The following ICA1 variants were observed in gnomAD, a reference collection of about 807,000 sequenced individuals.
ICA1 encodes the protein islet cell autoantigen 1, also known as 69 kDa islet cell autoantigen.
In ICA1, 40 loss-of-function variants were observed where a neutral mutation model predicts 71.0. The ratio of observed to expected loss-of-function variants is 0.56; its 90% CI spans 0.44 to 0.73. ICA1 has a LOEUF of 0.73. ICA1 is among the 30% of genes least tolerant of loss of function. The pLI is 0.00. For missense variants in ICA1, 578 were observed against 576.5 expected (o/e 1.00, Z -0.03); for synonymous variants, 207 against 209.5 (o/e 0.99, Z 0.10).
At chr7:8,261,143 T>C (rs1176924128) in intron 1 of ICA1, among the ~76,000 whole-genome samples, 1 of 152,188 alleles carries the variant, frequency 6.6e-6, no homozygotes, top group Non-Finnish European at 1.5e-5. Flanking sequence ...AAACCCTTTC[T>C]TGCGCTAATT....
intron 1 of ICA1, among the ~76,000 whole-genome samples, chr7:8,251,045 C>T (rs1370195327): frequency 3.9e-5 from 6 of 152,038 alleles, no homozygotes; most frequent in Non-Finnish European, 7.4e-5. Flanking sequence ...GGACTACAGG[C>T]ACTTGCCAAT....
chr7:8,148,035 C>G (rs972874464), intron 8 of ICA1, among the ~76,000 whole-genome samples: 34 of 152,244 alleles, frequency 2.2e-4, no homozygotes, highest in African/African-American at 7.5e-4. Context: ...TCGGTGCGAC[C>G]TGCTACGGGG....
intron 8 of ICA1, among the ~76,000 whole-genome samples, chr7:8,145,615 C>T (rs1298884083): frequency 1.3e-5 from 2 of 151,736 alleles, no homozygotes; most frequent in Non-Finnish European, 2.9e-5. Context: ...AAATCAGAAA[C>T]ATAATAGAAC....
intron 6 of ICA1, among the ~76,000 whole-genome samples, chr7:8,187,261 TTC>T (rs1784196294): frequency 6.6e-6 from 1 of 152,238 alleles, no homozygotes; most frequent in Non-Finnish European, 1.5e-5. Flanking sequence ...GATGGCCTAT[TTC>T]TCTTAGGCTG....
At position 8,242,258 on chromosome 7, in the gene ICA1, A is replaced by C. The variant is rs139490491; in HGVS notation, c.-79-6253T>G. ...ATCAAATTAGAATTCAGGATTAAGA[A>C]ACTCACTCAAAATGACACAACTACA... On this transcript the variant is annotated intron_variant, in intron 1 of 13. Transcript: ENST00000402384. Among the ~76,000 whole-genome samples, 654 of 152,362 alleles carry C rather than the reference A, an allele frequency of 4.3e-3. 5 individuals carry two copies. The highest frequency in any genetic ancestry group is 0.014 in the African/African-American group (573 of 41,592).
chr7:8,118,201 C>T (rs949409588), intron 13 of ICA1, among the ~76,000 whole-genome samples: 31 of 152,170 alleles, frequency 2.0e-4, no homozygotes, highest in Non-Finnish European at 4.3e-4. Flanking sequence ...ACAAACCTCA[C>T]GAACTTATTT....
chr7:8,168,107 T>C (rs925060529), intron 6 of ICA1, among the ~76,000 whole-genome samples: 12 of 152,078 alleles, frequency 7.9e-5, no homozygotes, highest in African/African-American at 2.7e-4. Flanking sequence ...GCTTTTCCTA[T>C]GGTCACATGG....
intron 4 of ICA1, among the ~76,000 whole-genome samples, chr7:8,224,656 T>C (rs537514690): frequency 2.0e-4 from 30 of 152,320 alleles, no homozygotes; most frequent in African/African-American, 7.0e-4. Flanking sequence ...TCAACTAACC[T>C]ACAGCCCTTA....
chr7:8,244,956 T>C (rs2128500682), intron 1 of ICA1, among the ~76,000 whole-genome samples: 1 of 152,312 alleles, frequency 6.6e-6, no homozygotes, highest in East Asian at 1.9e-4. Context: ...TTTACACTGT[T>C]GGTGGGGAGT....
chr7:8,187,760 T>A (rs1176743831), intron 6 of ICA1, among the ~76,000 whole-genome samples: 2 of 152,370 alleles, frequency 1.3e-5, no homozygotes, highest in Non-Finnish European at 2.9e-5. Flanking sequence ...TTAACTTTTT[T>A]CACTTTTTAA....
intron 4 of ICA1, among the ~76,000 whole-genome samples, chr7:8,224,579 A>G (rs1360595143): frequency 6.6e-6 from 1 of 152,166 alleles, no homozygotes; most frequent in Non-Finnish European, 1.5e-5. Flanking sequence ...GCATCCCCTT[A>G]TATTTACATT....
At chr7:8,242,243 A>G (rs996858165) in intron 1 of ICA1, among the ~76,000 whole-genome samples, 21 of 152,234 alleles carry the variant, frequency 1.4e-4, no homozygotes, top group Non-Finnish European at 2.6e-4. Context: ...ATCAAATTAG[A>G]ATTCAGGATT....
Position 8,117,698 on chromosome 7 carries a change from G to A in ICA1, c.1331-3654C>T, listed in dbSNP as rs10280321. On this transcript the variant is annotated intron_variant, in intron 13 of 13. Coordinates refer to ENST00000402384, the MANE Select transcript of ICA1 (RefSeq NM_001136020.3). The stretch of plus-strand genomic sequence containing the variant: ...TGTATCCTTTTATTGGCATACTCTC[G>A]TCACAGTGTTTTTTAAGGAAAAGAT... 2.0e-3 allele frequency among the ~76,000 whole-genome samples: 301 copies of A among 152,234 alleles called. 2 individuals are homozygous for A. The highest frequency in any genetic ancestry group is 7.1e-3 in the African/African-American group (296 of 41,526).
chr7:8,167,760 C>T (rs1387501941), intron 6 of ICA1, among the ~76,000 whole-genome samples: 3 of 152,118 alleles, frequency 2.0e-5, no homozygotes, highest in Non-Finnish European at 4.4e-5. Flanking sequence ...GGATGGACAT[C>T]TTTACCCAAG....
At chr7:8,182,313 T>C (rs147742483) in intron 6 of ICA1, among the ~76,000 whole-genome samples, 42 of 152,348 alleles carry the variant, frequency 2.8e-4, no homozygotes, top group African/African-American at 9.9e-4. Flanking sequence ...GCTTGATTAA[T>C]GTCTGTCTTT....
intron 1 of ICA1, among the ~76,000 whole-genome samples, chr7:8,238,636 T>A (rs1326111183): frequency 2.0e-5 from 3 of 152,234 alleles, no homozygotes; most frequent in African/African-American, 7.2e-5. Flanking sequence ...TTACTATGAC[T>A]TTTTAATTAA....
At chr7:8,201,284 C>G (rs1047090879) in intron 6 of ICA1, among the ~76,000 whole-genome samples, 1 of 152,156 alleles carries the variant, frequency 6.6e-6, no homozygotes, top group African/African-American at 2.4e-5. Context: ...ACTTGAAACT[C>G]GGGCTTTTTA....
intron 8 of ICA1, among the ~76,000 whole-genome samples, chr7:8,149,194 G>A (rs1037984228): frequency 2.0e-5 from 3 of 152,148 alleles, no homozygotes; most frequent in African/African-American, 7.2e-5. Flanking sequence ...AGCCACATAC[G>A]AATCCACGTC....
intron 1 of ICA1, among the ~76,000 whole-genome samples, chr7:8,261,510 G>A (rs984578503): frequency 6.6e-6 from 1 of 152,158 alleles, no homozygotes; most frequent in Non-Finnish European, 1.5e-5. Flanking sequence ...CGAGACTGCT[G>A]AGCACCTCGC....
Sources: gnomAD v4.1 joint callset for allele counts (sites outside exome capture counted in the v4.1 genomes callset) on GRCh38, gnomAD v4.1.1 for gene constraint, MANE v1.5 for transcripts, NCBI Gene and HGNC (gene_info 2026-07-23, HGNC 2026-07-21) for gene names.